Variants in PKIA observed in about 807,000 individuals in gnomAD.
The protein encoded by PKIA is PKI-alpha.
Under a neutral mutation model 7.6 loss-of-function variants are expected in PKIA, and 4 were observed. The ratio of observed to expected loss-of-function variants is 0.52; its 90% CI spans 0.26 to 1.20. The LOEUF is 1.20. PKIA is among the 50% of genes most tolerant of loss of function. PKIA has a pLI of 0.13. For synonymous variants in PKIA, 21 were observed against 30.7 expected (o/e 0.68, Z 1.04); for missense variants, 73 against 86.2 (o/e 0.85, Z 0.61).
chr8:78,601,504 T>G (rs1808347161), intron 3 of PKIA, among the ~76,000 whole-genome samples: 1 of 152,016 alleles, frequency 6.6e-6, no homozygotes, highest in Admixed American at 6.6e-5. Context: ...ACTCTGAAAA[T>G]TTGAATATTA....
intron 1 of PKIA, among the ~76,000 whole-genome samples, chr8:78,519,011 T>A (rs1220448951): frequency 6.6e-6 from 1 of 152,122 alleles, no homozygotes; most frequent in Non-Finnish European, 1.5e-5. Context: ...TTAAAATGTT[T>A]CCTAGGGAGA....
intron 1 of PKIA, among the ~76,000 whole-genome samples, chr8:78,560,151 C>T (rs1425454834): frequency 2.0e-5 from 3 of 152,182 alleles, no homozygotes; most frequent in Non-Finnish European, 2.9e-5. Context: ...ATTTCACAGT[C>T]GTTAGCCTTT....
chr8:78,561,271 A>T (rs545735402), intron 1 of PKIA, among the ~76,000 whole-genome samples: 1 of 152,290 alleles, frequency 6.6e-6, no homozygotes, highest in South Asian at 2.1e-4. Flanking sequence ...CTAACACTCT[A>T]CATATACCAG....
At chr8:78,535,986 G>T (rs147618147) in intron 1 of PKIA, 1 of 151,936 alleles carries the variant, frequency 6.6e-6, no homozygotes, top group African/African-American at 2.4e-5. Context: ...GAGGGAATCA[G>T]GAAGAACAAT....
intron 1 of PKIA, among the ~76,000 whole-genome samples, chr8:78,572,302 A>G (rs994902094): frequency 3.3e-5 from 5 of 151,006 alleles, no homozygotes; most frequent in Admixed American, 3.3e-4. Context: ...GCTTGAACAG[A>G]CATTAAAAGT....
intron 1 of PKIA, among the ~76,000 whole-genome samples, chr8:78,544,239 C>G (rs773580871): frequency 1.3e-4 from 20 of 152,182 alleles, no homozygotes; most frequent in Non-Finnish European, 2.5e-4. Flanking sequence ...TCTTCTAACA[C>G]TTAACTTTAA....
At chr8:78,534,268 T>C (rs998123288) in intron 1 of PKIA, 5 of 152,136 alleles carry the variant, frequency 3.3e-5, no homozygotes, top group Non-Finnish European at 7.4e-5. Context: ...GTATATTGAC[T>C]ATTGACTCGG....
intron 1 of PKIA, among the ~76,000 whole-genome samples, chr8:78,566,279 T>C (rs771444956): frequency 5.9e-5 from 9 of 152,110 alleles, no homozygotes; most frequent in Non-Finnish European, 1.2e-4. Context: ...TACAAATTCA[T>C]AGTCTAATTT....
intron 1 of PKIA, among the ~76,000 whole-genome samples, chr8:78,528,144 G>T (rs1305863988): frequency 1.3e-5 from 2 of 152,018 alleles, no homozygotes; most frequent in African/African-American, 4.8e-5. Flanking sequence ...ATAGCCCCAA[G>T]GTAGGACATA....
Position 78,590,818 on chromosome 8 carries a change from T to G in PKIA, c.-27-7540T>G, listed in dbSNP as rs571283533. ...AGATTTATCCCTGGAGAATGAAAGC[T>G]AAGTGGGGTTCTTCATAATTTTTGA... On this transcript the variant is annotated intron_variant, in intron 2 of 3. Coordinates refer to ENST00000396418, the MANE Select transcript of PKIA (RefSeq NM_006823.4). Among the ~76,000 whole-genome samples, 4 of 152,266 alleles carry G rather than the reference T, an allele frequency of 2.6e-5. No homozygotes were observed. In the South Asian group the frequency reaches 6.2e-4, roughly 24 times the overall value.
At chr8:78,569,230 G>A (rs1171437136) in intron 1 of PKIA, among the ~76,000 whole-genome samples, 2 of 152,144 alleles carry the variant, frequency 1.3e-5, no homozygotes, top group African/African-American at 4.8e-5. Context: ...TAGAATTAAG[G>A]TAGTGTAAAG....
intron 1 of PKIA, among the ~76,000 whole-genome samples, chr8:78,536,324 A>G (rs1460257358): frequency 6.6e-6 from 1 of 152,148 alleles, no homozygotes; most frequent in Non-Finnish European, 1.5e-5. Flanking sequence ...ATTGCAACAA[A>G]AACATGATAT....
intron 2 of PKIA, among the ~76,000 whole-genome samples, chr8:78,593,372 C>T (rs887999823): frequency 5.3e-5 from 8 of 152,106 alleles, no homozygotes; most frequent in Non-Finnish European, 7.4e-5. Context: ...CAGCCTGCCT[C>T]GGCCTCCCAA....
chr8:78,600,895 A>C (rs1808336164), intron 3 of PKIA, among the ~76,000 whole-genome samples: 1 of 152,088 alleles, frequency 6.6e-6, no homozygotes, highest in African/African-American at 2.4e-5. Context: ...GAATTATGAT[A>C]ACAAACCCTC....
chr8:78,580,210 C>G (rs910884974), intron 2 of PKIA, among the ~76,000 whole-genome samples: 5 of 151,938 alleles, frequency 3.3e-5, no homozygotes, highest in African/African-American at 1.2e-4. Context: ...ATGATGCATA[C>G]ATATGTCATA....
At chr8:78,555,051 T>G (rs569154641) in intron 1 of PKIA, among the ~76,000 whole-genome samples, 1 of 152,010 alleles carries the variant, frequency 6.6e-6, no homozygotes, top group Admixed American at 6.6e-5. Flanking sequence ...TGAATCATAT[T>G]ATACATTCTG....
rs980504320 is a variant in PKIA at position 78,602,553 on chromosome 8, C to T, written c.*732C>T. ...ATTAAGTCTAACAGATTCATCAAGACTCCATTGCTTTATTATAGAGACATT... is the reference window on the plus strand; with the variant it reads ...ATTAAGTCTAACAGATTCATCAAGATTCCATTGCTTTATTATAGAGACATT... On this transcript the variant is annotated 3_prime_UTR_variant, in exon 4 of 4. Coordinates refer to ENST00000396418, the MANE Select transcript of PKIA (RefSeq NM_006823.4). The T allele has an allele frequency of 2.6e-5, 4 of 152,236 alleles. No homozygotes were observed. Among genetic ancestry groups the T allele is most frequent in the African/African-American group, 9.7e-5 (4 of 41,362 alleles). 9.4% of individuals were successfully genotyped at this position (152,236 alleles called of 1,614,324 possible).
intron 1 of PKIA, among the ~76,000 whole-genome samples, chr8:78,570,198 A>G (rs1410650515): frequency 6.6e-6 from 1 of 152,168 alleles, no homozygotes; most frequent in Non-Finnish European, 1.5e-5. Context: ...GCAAAACTCA[A>G]ATAGGGTAGA....
At chr8:78,550,814 C>A (rs1209903909) in intron 1 of PKIA, among the ~76,000 whole-genome samples, 1 of 151,972 alleles carries the variant, frequency 6.6e-6, no homozygotes. Flanking sequence ...CACCCCCTTC[C>A]CACCCTTTCT....
Sources: allele counts gnomAD v4.1 joint callset (sites outside exome capture counted in the v4.1 genomes callset), GRCh38; gene constraint gnomAD v4.1.1; transcripts MANE v1.5; gene names NCBI Gene and HGNC (gene_info 2026-07-23, HGNC 2026-07-21).